PID1: variants seen among roughly 807,000 people sequenced by gnomAD.
PID1 encodes the protein PTB-containing, cubilin and LRP1-interacting protein.
A neutral mutation model predicts 19.1 loss-of-function variants in PID1; 10 were observed. The ratio of observed to expected loss-of-function variants is 0.52; its 90% CI spans 0.32 to 0.89. The LOEUF is 0.89. PID1 is among the 40% of genes least tolerant of loss of function. PID1 has a pLI of 0.03. For synonymous variants in PID1, 130 were observed against 116.0 expected (o/e 1.12, Z -0.78); for missense variants, 248 against 285.3 (o/e 0.87, Z 0.94).
In PID1 at chr2:229,261,545, G is replaced by A. The variant is rs534068965; in HGVS notation, c.30+9469C>T. Among the ~76,000 whole-genome samples the A allele has an allele frequency of 3.9e-5, 6 of 152,260 alleles. No homozygotes were observed. The East Asian group carries it at 1.2e-3, about 29-fold the overall frequency. On this transcript the variant is annotated intron_variant, in intron 1 of 2. Transcript: ENST00000392055. ...CAAAGCATGCAGTGGGTGAATCTGT[G>A]AATTTATTCTCAGACCCACAACTAT...
chr2:229,139,057 G>GAAAGAAAGAGAA lies in PID1; in HGVS notation c.177+16760_177+16761insTTCTCTTTCTTT, dbSNP rs1553565723. Among the ~76,000 whole-genome samples, 6 of 45,564 alleles carry GAAAGAAAGAGAA rather than the reference G, an allele frequency of 1.3e-4. 1 individual carries two copies. Among genetic ancestry groups the GAAAGAAAGAGAA allele is most frequent in the Non-Finnish European group, 2.7e-4 (6 of 22,632 alleles). The allele number at this position is 45,564 out of a possible 152,430, so 29.9% of individuals were successfully genotyped here. ...AAAGAAAGAGAAAGAAAGAAAGAAA[G>GAAAGAAAGAGAA]AGAAAGAAAGAAAGAAAGAAAGAAA... is the stretch of plus-strand genomic sequence containing the variant. On this transcript the variant is annotated intron_variant, in intron 2 of 2. Coordinates refer to ENST00000392055, the MANE Select transcript of PID1 (RefSeq NM_001100818.2).
intron 1 of PID1, among the ~76,000 whole-genome samples, chr2:229,257,626 A>G (rs1231967829): frequency 2.0e-5 from 3 of 152,294 alleles, no homozygotes; most frequent in African/African-American, 4.8e-5. Flanking sequence ...AATATGCCAC[A>G]TCGTTTCCTT....
chr2:229,207,345 A>G (rs1222437340), intron 1 of PID1, among the ~76,000 whole-genome samples: 1 of 151,930 alleles, frequency 6.6e-6, no homozygotes, highest in Non-Finnish European at 1.5e-5. Flanking sequence ...TAGCCTCAGT[A>G]CCTTGATCTG....
At chr2:229,170,450 G>A (rs1222258412) in intron 1 of PID1, among the ~76,000 whole-genome samples, 5 of 152,080 alleles carry the variant, frequency 3.3e-5, no homozygotes, top group Non-Finnish European at 7.4e-5. Flanking sequence ...GCACATGCAC[G>A]CATTTACAAA....
intron 2 of PID1, among the ~76,000 whole-genome samples, chr2:229,151,940 G>T (rs892925235): frequency 6.6e-6 from 1 of 152,236 alleles, no homozygotes; most frequent in East Asian, 1.9e-4. Flanking sequence ...TCAGTGAATG[G>T]CCCTGCAAGT....
intron 1 of PID1, among the ~76,000 whole-genome samples, chr2:229,172,443 T>C (rs1272610362): frequency 6.6e-6 from 1 of 152,220 alleles, no homozygotes; most frequent in Non-Finnish European, 1.5e-5. Flanking sequence ...TTGTCTCTTC[T>C]GGCTTCTGGT....
chr2:229,049,552 T>C (rs1330406048), intron 2 of PID1, among the ~76,000 whole-genome samples: 2 of 152,192 alleles, frequency 1.3e-5, no homozygotes, highest in Non-Finnish European at 2.9e-5. Flanking sequence ...AGCACCCAAA[T>C]ACATTTTACC....
chr2:229,173,416 A>T (rs998018140), intron 1 of PID1, among the ~76,000 whole-genome samples: 1 of 152,154 alleles, frequency 6.6e-6, no homozygotes, highest in African/African-American at 2.4e-5. Context: ...AAGTTCCATT[A>T]CCAGCTTGTG....
At chr2:229,118,637 C>A (rs945036202) in intron 2 of PID1, among the ~76,000 whole-genome samples, 13 of 152,100 alleles carry the variant, frequency 8.5e-5, no homozygotes, top group African/African-American at 2.9e-4. Context: ...ATCCATCCCA[C>A]ACAAATGAGA....
chr2:229,096,824 G>C (rs1015501615), intron 2 of PID1, among the ~76,000 whole-genome samples: 1 of 152,110 alleles, frequency 6.6e-6, no homozygotes, highest in African/African-American at 2.4e-5. Context: ...TCCCTGCAAT[G>C]TGCCCTTGTA....
At chr2:229,215,818 C>G (rs1206348868) in intron 1 of PID1, among the ~76,000 whole-genome samples, 1 of 152,238 alleles carries the variant, frequency 6.6e-6, no homozygotes. Flanking sequence ...AATTAATGTA[C>G]TGGTGGTTTA....
chr2:229,205,338 T>C (rs918635057), intron 1 of PID1, among the ~76,000 whole-genome samples: 1 of 152,208 alleles, frequency 6.6e-6, no homozygotes, highest in Admixed American at 6.6e-5. Flanking sequence ...TATGTGTACA[T>C]GTATGAATCA....
At chr2:229,072,655 A>G (rs756100727) in intron 2 of PID1, among the ~76,000 whole-genome samples, 16 of 152,066 alleles carry the variant, frequency 1.1e-4, no homozygotes, top group Non-Finnish European at 2.2e-4. Context: ...ATTTTCAGTG[A>G]TGGTTTTAGC....
chr2:229,120,437 G>A (rs1291331087), intron 2 of PID1, among the ~76,000 whole-genome samples: 2 of 152,060 alleles, frequency 1.3e-5, no homozygotes, highest in South Asian at 4.2e-4. Flanking sequence ...CAACATAAAG[G>A]TTCTCATCCT....
At chr2:229,216,887 T>A (rs1319025604) in intron 1 of PID1, among the ~76,000 whole-genome samples, 1 of 152,132 alleles carries the variant, frequency 6.6e-6, no homozygotes, top group Non-Finnish European at 1.5e-5. Flanking sequence ...ATACATATAT[T>A]TTTTTAAAAA....
At chr2:229,237,808 C>G (rs1421373076) in intron 1 of PID1, among the ~76,000 whole-genome samples, 3 of 152,096 alleles carry the variant, frequency 2.0e-5, no homozygotes, top group Non-Finnish European at 4.4e-5. Context: ...GATAAATTCT[C>G]AATTATTGAA....
At chr2:229,260,463 C>CATATATATAT (rs3084671) in intron 1 of PID1, among the ~76,000 whole-genome samples, 2 of 147,908 alleles carry the variant, frequency 1.4e-5, no homozygotes, top group South Asian at 2.2e-4. Flanking sequence ...TAAAAAGTTG[C>CATATATATAT]ATATATATAT....
At position 229,199,745 on chromosome 2, in the gene PID1, T is replaced by C. The variant is rs201411497; in HGVS notation, c.31-43781A>G. On this transcript the variant is annotated intron_variant, in intron 1 of 2. Coordinates refer to ENST00000392055, the MANE Select transcript of PID1 (RefSeq NM_001100818.2). Reference sequence around the variant, plus strand: ...TTATATATATATATATATATATATATACACATACACACACACACACACATA... The same window carrying C: ...TTATATATATATATATATATATATACACACATACACACACACACACACATA... 1.4e-3 allele frequency among the ~76,000 whole-genome samples: 174 copies of C among 122,536 alleles called. 2 individuals carry two copies. The South Asian group carries it at 0.017, about 12-fold the overall frequency. 80.4% of individuals were successfully genotyped at this position (122,536 alleles called of 152,430 possible).
At chr2:229,210,544 A>C (rs925237671) in intron 1 of PID1, among the ~76,000 whole-genome samples, 12 of 148,270 alleles carry the variant, frequency 8.1e-5, no homozygotes, top group African/African-American at 3.0e-4. Context: ...AAAAAAAAAA[A>C]AAAAAAAAAA....
Sources: gnomAD v4.1 joint callset for allele counts (sites outside exome capture counted in the v4.1 genomes callset) on GRCh38, gnomAD v4.1.1 for gene constraint, MANE v1.5 for transcripts, NCBI Gene and HGNC (gene_info 2026-07-23, HGNC 2026-07-21) for gene names.